USP25: variants seen among roughly 807,000 people sequenced by gnomAD.
USP25 encodes ubiquitin specific peptidase 25, also known as ubiquitin carboxyl-terminal hydrolase 25.
A neutral mutation model predicts 158.5 loss-of-function variants in USP25; 85 were observed. The ratio of observed to expected loss-of-function variants is 0.54; its 90% confidence interval spans 0.45 to 0.64. The LOEUF (loss-of-function observed/expected upper bound fraction) is 0.64. Ranked by LOEUF, USP25 falls within the 30% of genes least tolerant of loss-of-function variation. The probability of loss-of-function intolerance (pLI) is 0.00; values close to 1 mark genes in which losing one functional copy is unlikely to be tolerated. For synonymous variants in USP25, 464 were observed against 460.4 expected (o/e 1.01, Z -0.10); for missense variants, 1,242 against 1,327.3 (o/e 0.94, Z 1.00).
chr21:15,735,312 G>T (rs553090465), intron 1 of USP25, among the ~76,000 whole-genome samples: 1 of 152,208 alleles, frequency 6.6e-6, no homozygotes, highest in African/African-American at 2.4e-5. Flanking sequence ...AAGCATTGTT[G>T]CATCTGTACT....
At chr21:15,864,481 C>T (rs777949282) in intron 21 of USP25, 35 bp downstream of exon 21, 21 of 1,520,594 alleles carry the variant, frequency 1.4e-5, no homozygotes, top group Middle Eastern at 3.5e-4. Context: ...ATGCTCAAAT[C>T]GTTCTTTTTT....
At chr21:15,761,227 A>T (rs2033705232) in intron 1 of USP25, among the ~76,000 whole-genome samples, 1 of 152,116 alleles carries the variant, frequency 6.6e-6, no homozygotes, top group Non-Finnish European at 1.5e-5. Context: ...GGTAATACTA[A>T]CTTTGATCTC....
chr21:15,732,760 T>C (rs2031056542), intron 1 of USP25, among the ~76,000 whole-genome samples: 1 of 152,216 alleles, frequency 6.6e-6, no homozygotes. Context: ...TTTTTGTTGT[T>C]TGCAGCACCA....
chr21:15,743,356 A>G (rs2032239216), intron 1 of USP25, among the ~76,000 whole-genome samples: 1 of 152,314 alleles, frequency 6.6e-6, no homozygotes, highest in Non-Finnish European at 1.5e-5. Context: ...TCCAGTGACC[A>G]AGAATAATGA....
At chr21:15,832,929 A>G (rs1193791000) in intron 16 of USP25, among the ~76,000 whole-genome samples, 1 of 152,022 alleles carries the variant, frequency 6.6e-6, no homozygotes, top group African/African-American at 2.4e-5. Flanking sequence ...GAGGCGGGAG[A>G]ATCGTCTGAA....
At chr21:15,860,969 T>TAG (rs1441004914) in intron 20 of USP25, among the ~76,000 whole-genome samples, 1,721 of 141,256 alleles carry the variant, frequency 0.012, 12 homozygotes, top group East Asian at 0.02. Flanking sequence ...TATATATATA[T>TAG]ATATATAGAG....
chr21:15,757,371 A>C (rs1281396431), intron 1 of USP25, among the ~76,000 whole-genome samples: 1 of 152,074 alleles, frequency 6.6e-6, no homozygotes, highest in Non-Finnish European at 1.5e-5. Context: ...TTTCATTTTC[A>C]GTCAAGATTT....
chr21:15,877,743 AT>A (rs1314033242), intron 24 of USP25, 52 bp from the exon 25 acceptor site: 3 of 1,317,214 alleles, frequency 2.3e-6, no homozygotes, highest in Non-Finnish European at 3.1e-6. Context: ...CAGATCCTTA[AT>A]TTAAAAAGGA....
intron 1 of USP25, among the ~76,000 whole-genome samples, chr21:15,737,834 T>G (rs1179681245): frequency 1.3e-5 from 2 of 149,636 alleles, no homozygotes; most frequent in Non-Finnish European, 3.0e-5. Flanking sequence ...ATTTTGGACT[T>G]TTTTTTTTTT....
chr21:15,865,872 G>A (rs1346038773), intron 21 of USP25, among the ~76,000 whole-genome samples: 2 of 152,050 alleles, frequency 1.3e-5, no homozygotes, highest in Non-Finnish European at 2.9e-5. Context: ...TGATAGGCAC[G>A]TTTTAGACTC....
At chr21:15,867,030 G>A (rs979750240) in intron 22 of USP25, among the ~76,000 whole-genome samples, 3 of 152,214 alleles carry the variant, frequency 2.0e-5, no homozygotes, top group Middle Eastern at 3.4e-3. Context: ...TGCCATATAT[G>A]TTTGTCATGA....
intron 10 of USP25, among the ~76,000 whole-genome samples, chr21:15,819,490 C>T (rs1018917170): frequency 2.0e-5 from 3 of 152,136 alleles, no homozygotes; most frequent in African/African-American, 7.2e-5. Flanking sequence ...ATACGTGCTT[C>T]CCCAATCAGT....
At chr21:15,851,730 G>A (rs1305150296) in intron 20 of USP25, among the ~76,000 whole-genome samples, 1 of 151,808 alleles carries the variant, frequency 6.6e-6, no homozygotes, top group African/African-American at 2.4e-5. Context: ...TCCACTGCTT[G>A]TTTAAATCTC....
chr21:15,731,317 A>G (rs2030873056), intron 1 of USP25, among the ~76,000 whole-genome samples: 1 of 152,140 alleles, frequency 6.6e-6, no homozygotes, highest in African/African-American at 2.4e-5. Context: ...ATTTGCGTGA[A>G]AAGCATTTTG....
chr21:15,864,320 C>T lies in USP25; in HGVS notation c.2600C>T (p.Pro867Leu). ...RLVKLAQEDT[P>L]PETDYRLHHV... ...GTTAAGTTGGCCCAAGAAGACACCC[C>T]ACCAGAAACCGATTATCGTTTACAT... is the stretch of plus-strand genomic sequence containing the variant. The change falls in exon 21 of 26, where the codon CCA becomes CTA. Residue 867 changes from proline (P) to leucine (L), a missense_variant. Pro to Leu is a moderately conservative substitution (Grantham distance 98). Transcript: ENST00000400183. 6.2e-7 allele frequency: 1 copy of T among 1,612,550 alleles called. No homozygotes were observed. The highest frequency in any genetic ancestry group is 8.5e-7 in the Non-Finnish European group (1 of 1,179,574).
intron 10 of USP25, among the ~76,000 whole-genome samples, chr21:15,823,781 G>T (rs116230600): frequency 0.011 from 1,694 of 152,214 alleles, 32 homozygotes; most frequent in African/African-American, 0.038. Context: ...CTAATGTAAA[G>T]AATTATTTTC....
At chr21:15,743,771 C>T (rs888715006) in intron 1 of USP25, among the ~76,000 whole-genome samples, 2 of 151,888 alleles carry the variant, frequency 1.3e-5, no homozygotes, top group Admixed American at 6.6e-5. Flanking sequence ...TCTACTGTGG[C>T]GCCTGCCTAG....
At chr21:15,799,965 A>C (rs1186150327) in intron 6 of USP25, 122 bp downstream of exon 6, 16 of 491,106 alleles carry the variant, frequency 3.3e-5, no homozygotes, top group Non-Finnish European at 5.2e-5. Context: ...ATGTCAATTC[A>C]TTAATCTTAG....
intron 20 of USP25, among the ~76,000 whole-genome samples, chr21:15,859,268 C>T (rs2039307174): frequency 6.6e-6 from 1 of 151,538 alleles, no homozygotes; most frequent in African/African-American, 2.4e-5. Context: ...TCTTGGCTCA[C>T]TGCAGGCTCC....
Sources: allele counts gnomAD v4.1 joint callset (sites outside exome capture counted in the v4.1 genomes callset), GRCh38; gene constraint gnomAD v4.1.1; transcripts MANE v1.5; gene names NCBI Gene and HGNC (gene_info 2026-07-23, HGNC 2026-07-21).